PTPRT: variants seen among roughly 807,000 people sequenced by gnomAD.
PTPRT encodes the protein protein tyrosine phosphatase receptor type T.
Under a neutral mutation model 176.8 loss-of-function variants are expected in PTPRT, and 56 were observed. That is an observed-to-expected ratio of 0.32 (90% CI 0.26 to 0.40). The LOEUF (loss-of-function observed/expected upper bound fraction) is 0.40, where lower values mean the gene tolerates loss of function less well. Among genes scored for constraint, PTPRT ranks in the 10% least tolerant of loss-of-function variants. The pLI is 1.00. For missense variants in PTPRT, 1,540 were observed against 1,908.2 expected, an observed-to-expected ratio of 0.81 and a Z score of 3.60; for synonymous variants, 783 against 739.0, an observed-to-expected ratio of 1.06 and a Z score of -0.96.
At chr20:42,727,536 T>C (rs747032679) in intron 6 of PTPRT, among the ~76,000 whole-genome samples, 6 of 152,334 alleles carry the variant, frequency 3.9e-5, no homozygotes, top group Non-Finnish European at 8.8e-5. Context: ...GTGTCACTTA[T>C]GTGTATGTGT....
intron 2 of PTPRT, among the ~76,000 whole-genome samples, chr20:42,831,905 G>C (rs1056685668): frequency 3.9e-5 from 6 of 152,188 alleles, no homozygotes; most frequent in African/African-American, 1.4e-4. Flanking sequence ...GCAGAGAAAA[G>C]GGAATGCTTG....
intron 7 of PTPRT, among the ~76,000 whole-genome samples, chr20:42,513,286 G>A (rs2071994280): frequency 6.6e-6 from 1 of 150,516 alleles, no homozygotes; most frequent in Admixed American, 6.6e-5. Flanking sequence ...TAGCTTCCTT[G>A]AAGAAGCCAT....
rs149636522 is a variant in PTPRT, at chr20:42,671,436, T to C, written c.1153+6430A>G. Among the ~76,000 whole-genome samples the C allele has an allele frequency of 5.1e-3, 780 of 152,252 alleles. 4 individuals carry two copies. Among genetic ancestry groups the C allele is most frequent in the African/African-American group, 0.018 (746 of 41,550 alleles). ...AAGACCCAACTCCTATCACAGAAAG[T>C]CTGCTGTTGGGGATGTGCTGGAGGA... is the stretch of plus-strand genomic sequence containing the variant. On this transcript the variant is annotated intron_variant, in intron 7 of 30. Transcript: ENST00000373187.
At chr20:42,044,429 C>T in the PTPRT span, among the ~76,000 whole-genome samples, 1 of 152,176 alleles carries the variant, frequency 6.6e-6, no homozygotes, top group Admixed American at 6.5e-5. Context: ...AGACACACAC[C>T]AATCGAGAGG....
chr20:43,047,527 G>A (rs1333230377), intron 1 of PTPRT, among the ~76,000 whole-genome samples: 1 of 152,080 alleles, frequency 6.6e-6, no homozygotes, highest in African/African-American at 2.4e-5. Flanking sequence ...AGTTCAGGGA[G>A]AAAAGAGACA....
At chr20:42,065,253 A>T in the PTPRT span, among the ~76,000 whole-genome samples, 68 of 151,872 alleles carry the variant, frequency 4.5e-4, no homozygotes, top group African/African-American at 1.7e-3. Flanking sequence ...TTGGTCACAC[A>T]GCAACGGTAA....
intron 1 of PTPRT, among the ~76,000 whole-genome samples, chr20:43,072,978 T>C (rs1026971950): frequency 3.3e-5 from 5 of 152,180 alleles, no homozygotes; most frequent in Non-Finnish European, 5.9e-5. Flanking sequence ...AGAAGCTGAT[T>C]TGAAGAAGTC....
At chr20:42,585,731 C>A (rs1203686195) in intron 7 of PTPRT, among the ~76,000 whole-genome samples, 2 of 152,052 alleles carry the variant, frequency 1.3e-5, no homozygotes, top group Non-Finnish European at 2.9e-5. Context: ...TATAAATTTA[C>A]CTGTAGATTG....
At chr20:42,238,486 A>G (rs1231390051) in intron 14 of PTPRT, among the ~76,000 whole-genome samples, 1 of 152,210 alleles carries the variant, frequency 6.6e-6, no homozygotes, top group Non-Finnish European at 1.5e-5. Flanking sequence ...TTCACCAGCC[A>G]TACACGTTAG....
intron 1 of PTPRT, among the ~76,000 whole-genome samples, chr20:43,170,724 C>T (rs2014976820): frequency 6.6e-6 from 1 of 152,184 alleles, no homozygotes; most frequent in Admixed American, 6.5e-5. Flanking sequence ...GGGCTCAAAA[C>T]ATCACAGTAA....
At chr20:42,170,234 C>T (rs970240625) in intron 16 of PTPRT, among the ~76,000 whole-genome samples, 2 of 152,190 alleles carry the variant, frequency 1.3e-5, no homozygotes, top group Non-Finnish European at 2.9e-5. Context: ...CTCATTCAAC[C>T]AACTCTAACA....
intron 1 of PTPRT, among the ~76,000 whole-genome samples, chr20:43,104,789 T>C (rs144478673): frequency 2.3e-3 from 351 of 152,316 alleles, no homozygotes; most frequent in African/African-American, 8.1e-3. Context: ...TTCATTTCCC[T>C]CATCTATAAA....
chr20:42,235,348 C>T (rs1199497386), intron 15 of PTPRT, among the ~76,000 whole-genome samples: 6 of 151,994 alleles, frequency 3.9e-5, no homozygotes, highest in Admixed American at 6.6e-5. Flanking sequence ...CTACAACCTC[C>T]GCCCTGGGTT....
intron 1 of PTPRT, among the ~76,000 whole-genome samples, chr20:42,938,201 G>A (rs1029421219): frequency 6.6e-6 from 1 of 152,206 alleles, no homozygotes; most frequent in Non-Finnish European, 1.5e-5. Context: ...GGAAGGTTGG[G>A]TAGCTCAGTT....
intron 6 of PTPRT, among the ~76,000 whole-genome samples, chr20:42,749,474 T>C (rs113859341): frequency 2.8e-4 from 42 of 152,322 alleles, no homozygotes; most frequent in African/African-American, 9.4e-4. Flanking sequence ...TACTGGATTT[T>C]GCAAGAAATG....
At chr20:42,287,626 C>T (rs1019580508) in intron 12 of PTPRT, among the ~76,000 whole-genome samples, 6 of 151,674 alleles carry the variant, frequency 4.0e-5, no homozygotes, top group African/African-American at 1.5e-4. Context: ...AAGATTATAC[C>T]TAGATAGAAG....
intron 2 of PTPRT, among the ~76,000 whole-genome samples, chr20:42,821,138 T>TA (rs1331973550): frequency 6.6e-6 from 1 of 152,164 alleles, no homozygotes; most frequent in Non-Finnish European, 1.5e-5. Flanking sequence ...ATATCCCTGA[T>TA]AAACATCAAT....
At chr20:42,464,224 GTGGAATGGTCATTTA>G (rs1166459822) in intron 8 of PTPRT, among the ~76,000 whole-genome samples, 1 of 152,188 alleles carries the variant, frequency 6.6e-6, no homozygotes, top group African/African-American at 2.4e-5. Context: ...GAACTTTTAT[GTGGAATGGTCATTTA>G]TTCATCCATC....
intron 13 of PTPRT, among the ~76,000 whole-genome samples, chr20:42,269,164 T>C (rs2056888912): frequency 1.3e-5 from 2 of 152,202 alleles, no homozygotes; most frequent in South Asian, 4.1e-4. Flanking sequence ...CTCATCTTCC[T>C]CCCTTTCTTC....
Sources: gnomAD v4.1 joint callset for allele counts (sites outside exome capture counted in the v4.1 genomes callset) on GRCh38, gnomAD v4.1.1 for gene constraint, MANE v1.5 for transcripts, NCBI Gene and HGNC (gene_info 2026-07-23, HGNC 2026-07-21) for gene names.